PEMT: variants seen among roughly 807,000 people sequenced by gnomAD.
PEMT encodes the protein phosphatidylethanolamine N-methyltransferase.
Under a neutral mutation model 27.4 loss-of-function variants are expected in PEMT, and 23 were observed. The ratio of observed to expected loss-of-function variants is 0.84; its 90% CI spans 0.60 to 1.19. The LOEUF (loss-of-function observed/expected upper bound fraction) is 1.19, where lower values mean the gene tolerates loss of function less well. PEMT is among the 50% of genes most tolerant of loss of function. The pLI is 0.00. For synonymous variants in PEMT, 137 were observed against 139.1 expected, an observed-to-expected ratio of 0.98 and a Z score of 0.11; for missense variants, 307 against 310.1, an observed-to-expected ratio of 0.99 and a Z score of 0.07.
intron 2 of PEMT, chr17:17,570,751 T>C: frequency 1.0e-6 from 1 of 985,372 alleles, no homozygotes; most frequent in East Asian, 1.1e-4. Context: ...AGCATGGCCC[T>C]CAAGGGTGGC....
At chr17:17,560,963 A>G (rs2142692280) in intron 2 of PEMT, among the ~76,000 whole-genome samples, 1 of 152,038 alleles carries the variant, frequency 6.6e-6, no homozygotes, top group Non-Finnish European at 1.5e-5. Context: ...CTGGCCTGAC[A>G]CACGTCTAGG....
chr17:17,512,474 C>A lies in PEMT; in HGVS notation c.466+35G>T. The stretch of plus-strand genomic sequence containing the variant: ...TGCACCTCCCTGGGGCTCCAGCGGT[C>A]CTGCTCAGGGTCACCCCAGCCCTCA... On this transcript the variant is annotated intron_variant, in intron 4 of 6. Transcript: ENST00000255389. This position sits in a 1 kb window ranked among gnomAD's most constrained non-coding sequence, Gnocchi z 6.3. The A allele has an allele frequency of 6.7e-7, 1 of 1,500,416 alleles. No homozygotes were observed. The allele number at this position is 1,500,416 out of a possible 1,614,324, so 92.9% of individuals were successfully genotyped here. A position where few individuals can be genotyped will look rare whatever the true frequency, so the allele number is the denominator to read the frequency against.
intron 3 of PEMT, 80 bp downstream of exon 3, chr17:17,522,200 G>T: frequency 9.8e-7 from 1 of 1,018,486 alleles, no homozygotes; most frequent in South Asian, 1.3e-5. Context: ...CTCCCGCGTG[G>T]TGAGGGATGA....
At chr17:17,507,428 T>C in intron 5 of PEMT, 2 of 582,064 alleles carry the variant, frequency 3.4e-6, no homozygotes, top group Non-Finnish European at 6.1e-6. Flanking sequence ...GTGGGGACCC[T>C]CTGCCCTGCC....
intron 3 of PEMT, among the ~76,000 whole-genome samples, chr17:17,516,282 A>G (rs938329051): frequency 6.6e-6 from 1 of 152,110 alleles, no homozygotes; most frequent in Non-Finnish European, 1.5e-5. Context: ...ATATTAAAAT[A>G]AGCATGTAAC....
intron 3 of PEMT, among the ~76,000 whole-genome samples, chr17:17,517,203 C>T (rs529903137): frequency 1.3e-5 from 2 of 152,144 alleles, no homozygotes; most frequent in African/African-American, 2.4e-5. Context: ...TAAGCAAAGA[C>T]CCCGCCCCCG....
intron 2 of PEMT, among the ~76,000 whole-genome samples, chr17:17,545,617 G>A (rs1909205205): frequency 6.6e-6 from 1 of 152,156 alleles, no homozygotes; most frequent in Non-Finnish European, 1.5e-5. Flanking sequence ...CTGCGGGGCC[G>A]GGTCCAGCCC....
At chr17:17,572,476 C>T (rs759928311) in intron 2 of PEMT, among the ~76,000 whole-genome samples, 8 of 152,200 alleles carry the variant, frequency 5.3e-5, no homozygotes, top group South Asian at 2.1e-4. Flanking sequence ...TCAAGAGTGC[C>T]CCAGGACTTT....
intron 2 of PEMT, 26 bp from the exon 3 acceptor site, chr17:17,522,421 C>G: frequency 1.4e-6 from 2 of 1,450,686 alleles, no homozygotes; most frequent in Non-Finnish European, 1.9e-6. Context: ...AGAACAAGAA[C>G]GAGATATTTC....
At chr17:17,526,268 G>A (rs1204589879) in intron 2 of PEMT, among the ~76,000 whole-genome samples, 1 of 152,104 alleles carries the variant, frequency 6.6e-6, no homozygotes, top group Non-Finnish European at 1.5e-5. Context: ...GAAGAGACAG[G>A]CCCAAGGCAA....
intron 1 of PEMT, among the ~76,000 whole-genome samples, chr17:17,587,468 T>G (rs1219028077): frequency 3.3e-5 from 5 of 152,168 alleles, no homozygotes; most frequent in African/African-American, 7.2e-5. Flanking sequence ...CTGGATGAAT[T>G]CTGCCTAACA....
At chr17:17,556,564 G>A (rs1359144884) in intron 2 of PEMT, among the ~76,000 whole-genome samples, 2 of 152,004 alleles carry the variant, frequency 1.3e-5, no homozygotes, top group East Asian at 3.9e-4. Flanking sequence ...AGTAGAGAGG[G>A]GGTTTCACCA....
Position 17,561,809 on chromosome 17 carries a change from G to A in PEMT, c.204+15111C>T, listed in dbSNP as rs577282902. Among the ~76,000 whole-genome samples, 103 of 152,358 alleles carry A rather than the reference G, an allele frequency of 6.8e-4. No individual in the cohort carries two copies. The highest frequency in any genetic ancestry group is 2.4e-3 in the African/African-American group (100 of 41,590). ...ACTCCAGTGGGCTCAAGGACATGGG[G>A]GTACCACTTCCACGTGGCTACCTCA... is the stretch of plus-strand genomic sequence containing the variant. On this transcript the variant is annotated intron_variant, in intron 2 of 6. Transcript: ENST00000255389. This position sits in a 1 kb window ranked among gnomAD's most constrained non-coding sequence, Gnocchi z 4.5.
intron 2 of PEMT, among the ~76,000 whole-genome samples, chr17:17,532,154 C>T (rs1908147067): frequency 6.6e-6 from 1 of 152,214 alleles, no homozygotes; most frequent in African/African-American, 2.4e-5. Context: ...AGGACGTTCA[C>T]TCTTACCACT....
At position 17,506,740 on chromosome 17, in the gene PEMT, G is replaced by A. The variant is rs1434027037; in HGVS notation, c.579-439C>T. Among the ~76,000 whole-genome samples, 5 of 152,320 alleles carry A rather than the reference G, an allele frequency of 3.3e-5. No individual in the cohort carries two copies. The East Asian group carries it at 9.6e-4, about 29-fold the overall frequency. On this transcript the variant is annotated intron_variant, in intron 5 of 6. Coordinates refer to ENST00000255389, the MANE Select transcript of PEMT (RefSeq NM_148172.3). ...AACAAAGGCTGTTTTCTAGAAATGA[G>A]TCCAGGGTCCCCCAAAGCCAGTTTG...
At chr17:17,532,899 C>CA (rs1415576814) in intron 2 of PEMT, among the ~76,000 whole-genome samples, 3 of 152,184 alleles carry the variant, frequency 2.0e-5, no homozygotes, top group Non-Finnish European at 2.9e-5. Flanking sequence ...TGGTGGTGGG[C>CA]ATACGTAATC....
chr17:17,533,528 A>AC, intron 2 of PEMT, among the ~76,000 whole-genome samples: 1 of 152,260 alleles, frequency 6.6e-6, no homozygotes, highest in Non-Finnish European at 1.5e-5. Context: ...TTCTATCATG[A>AC]AAATACAAAG....
intron 3 of PEMT, chr17:17,518,151 C>G (rs1288637199): frequency 1.0e-6 from 1 of 985,502 alleles, no homozygotes; most frequent in East Asian, 1.1e-4. Context: ...AGTTCCATCC[C>G]GTGACTGGTG....
chr17:17,534,342 A>T (rs1908306344), intron 2 of PEMT, among the ~76,000 whole-genome samples: 1 of 152,232 alleles, frequency 6.6e-6, no homozygotes, highest in Non-Finnish European at 1.5e-5. Context: ...CCAGACAAAC[A>T]TAGAGTATAC....
Sources: allele counts gnomAD v4.1 joint callset (sites outside exome capture counted in the v4.1 genomes callset), GRCh38; gene constraint gnomAD v4.1.1; non-coding constraint Gnocchi (gnomAD v3.1); transcripts MANE v1.5; gene names NCBI Gene and HGNC (gene_info 2026-07-23, HGNC 2026-07-21).